The following PPP1R36 variants were observed in gnomAD, a reference collection of about 807,000 sequenced individuals.
PPP1R36 encodes chromosome 14 open reading frame 50.
Under a neutral mutation model 53.4 loss-of-function variants are expected in PPP1R36, and 47 were observed. The ratio of observed to expected loss-of-function variants is 0.88; its 90% confidence interval spans 0.70 to 1.12. The LOEUF (loss-of-function observed/expected upper bound fraction) is 1.12, where lower values mean the gene tolerates loss of function less well. Ranked by LOEUF, PPP1R36 falls within the 50% of genes most tolerant of loss-of-function variation. The pLI, the probability that PPP1R36 is intolerant of heterozygous loss-of-function variation, is 0.00. For synonymous variants in PPP1R36, 153 were observed against 170.5 expected (o/e 0.90, Z 0.80); for missense variants, 456 against 513.9 (o/e 0.89, Z 1.09).
intron 3 of PPP1R36, among the ~76,000 whole-genome samples, chr14:64,560,103 C>CAAAAAAAAAAAA (rs1171697200): frequency 2.5e-4 from 7 of 27,476 alleles, no homozygotes; most frequent in Non-Finnish European, 3.6e-4. Flanking sequence ...GAATCTGTCA[C>CAAAAAAAAAAAA]AAAAAAAAAA....
At chr14:64,573,143 T>C (rs1388386449) in intron 7 of PPP1R36, among the ~76,000 whole-genome samples, 2 of 152,232 alleles carry the variant, frequency 1.3e-5, no homozygotes, top group African/African-American at 4.8e-5. Flanking sequence ...TACAACTCAC[T>C]TTTCAATAAC....
At position 64,568,336 on chromosome 14, in the gene PPP1R36, A is replaced by G. The variant is rs1596735241; in HGVS notation, c.435-13A>G. The G allele has an allele frequency of 8.1e-7, 1 of 1,237,754 alleles. No individual in the cohort carries two copies. The highest frequency in any genetic ancestry group is 1.4e-5 in the South Asian group (1 of 71,764). 76.7% of individuals were successfully genotyped at this position (1,237,754 alleles called of 1,614,324 possible). On this transcript the variant is annotated splice_polypyrimidine_tract_variant and intron_variant, in intron 6 of 11. Transcript: ENST00000298705. ...CATTGACTCTTTTTTTGTTGTTTCA[A>G]ATCTCCCCATAGGAATAAGAATCTT...
chr14:64,588,154 C>T lies in PPP1R36; in HGVS notation c.941C>T (p.Ser314Phe), dbSNP rs1054130144. ...ATTAAAAAAGCTATCAACATGCGTT[C>T]TCCAGTCATGTCTACTCTGCTGCCA... ...PAIKKAINMR[S>F]PVMSTLLPSL... The change falls in exon 11 of 12, where the codon TCT becomes TTT. Residue 314 changes from serine to phenylalanine, a missense_variant. Ser to Phe is a radical substitution (Grantham distance 155, BLOSUM62 -2). Transcript: ENST00000298705. The T allele has an allele frequency of 2.5e-6, 4 of 1,612,734 alleles. No homozygotes were observed. Among genetic ancestry groups the T allele is most frequent in the African/African-American group, 1.3e-5 (1 of 74,876 alleles).
Position 64,574,564 on chromosome 14 carries a change from G to A in PPP1R36, c.643G>A (p.Asp215Asn), listed in dbSNP as rs1566655640. The A allele has an allele frequency of 6.2e-7, 1 of 1,613,786 alleles. No individual in the cohort carries two copies. Among genetic ancestry groups the A allele is most frequent in the Non-Finnish European group, 8.5e-7 (1 of 1,179,876 alleles). Residue 215 changes from aspartate (D) to asparagine (N), a missense_variant, in exon 8 of 12, where the codon GAT (aspartate) becomes AAT (asparagine). Physicochemically the swap from Asp to Asn is conservative, Grantham distance 23 (BLOSUM62 1). Coordinates refer to ENST00000298705, the MANE Select transcript of PPP1R36 (RefSeq NM_172365.3). ...CILVLGLAVP[D>N]KHHMCCGKEK... ...CCTTGTGCTGGGCTTGGCCGTGCCG[G>A]ATAAGCATCACATGTGCTGTGGAAA...
At chr14:64,561,645 G>C (rs140977865) in intron 3 of PPP1R36, 2 of 373,520 alleles carry the variant, frequency 5.4e-6, no homozygotes, top group East Asian at 1.5e-4. Context: ...TGAGGGTGCT[G>C]GTATAGTTCA....
chr14:64,588,154 C>A lies in PPP1R36; in HGVS notation c.941C>A (p.Ser314Tyr). Residue 314 changes from serine to tyrosine, a missense_variant, in exon 11 of 12, where the codon TCT (serine) becomes TAT (tyrosine). Physicochemically the swap from Ser to Tyr is moderately radical, Grantham distance 144. Transcript: ENST00000298705. ...PAIKKAINMR[S>Y]PVMSTLLPSL... ...ATTAAAAAAGCTATCAACATGCGTT[C>A]TCCAGTCATGTCTACTCTGCTGCCA... 6.2e-7 allele frequency: 1 copy of A among 1,612,850 alleles called. No homozygotes were observed. The highest frequency in any genetic ancestry group is 8.5e-7 in the Non-Finnish European group (1 of 1,179,318).
intron 2 of PPP1R36, among the ~76,000 whole-genome samples, chr14:64,551,453 T>G (rs2080093173): frequency 1.3e-5 from 2 of 152,306 alleles, no homozygotes; most frequent in East Asian, 3.9e-4. Flanking sequence ...AAGGTAAAAT[T>G]ACTAAATTAG....
Position 64,553,885 on chromosome 14 carries a change from G to A in PPP1R36, c.182+1024G>A, listed in dbSNP as rs190771708. On this transcript the variant is annotated intron_variant, in intron 3 of 11. Coordinates refer to ENST00000298705, the MANE Select transcript of PPP1R36 (RefSeq NM_172365.3). ...GACTACGTGGAGTACACAAACTGGG[G>A]GGCCGTTAAGGGAGTTGGAAAAGGA... 1.3e-4 allele frequency among the ~76,000 whole-genome samples: 20 copies of A among 151,714 alleles called. No homozygotes were observed. The East Asian group carries it at 3.5e-3, about 26-fold the overall frequency.
intron 3 of PPP1R36, among the ~76,000 whole-genome samples, chr14:64,556,901 A>G (rs2080159433): frequency 1.3e-5 from 2 of 151,336 alleles, no homozygotes; most frequent in South Asian, 4.2e-4. Context: ...TGCAGCCTTG[A>G]CCTCCTGGGC....
chr14:64,555,739 A>T (rs932943934), intron 3 of PPP1R36, among the ~76,000 whole-genome samples: 16 of 152,110 alleles, frequency 1.1e-4, no homozygotes, highest in African/African-American at 3.9e-4. Context: ...TTAAAAAAAA[A>T]TTGCAAAATA....
At chr14:64,579,505 G>A (rs2080369368) in intron 8 of PPP1R36, among the ~76,000 whole-genome samples, 1 of 152,164 alleles carries the variant, frequency 6.6e-6, no homozygotes, top group Non-Finnish European at 1.5e-5. Flanking sequence ...TGTTTAGAAA[G>A]AAGTAGTGTT....
chr14:64,582,193 C>T (rs936290098), intron 8 of PPP1R36, among the ~76,000 whole-genome samples: 1 of 152,180 alleles, frequency 6.6e-6, no homozygotes, highest in African/African-American at 2.4e-5. Flanking sequence ...TAAAATACAT[C>T]CCTTTGACAC....
chr14:64,583,650 A>ACTAAAAATACAAAATT (rs1392349489), intron 8 of PPP1R36, among the ~76,000 whole-genome samples: 3 of 151,948 alleles, frequency 2.0e-5, no homozygotes, highest in African/African-American at 7.2e-5. Context: ...CCCCATCTCT[A>ACTAAAAATACAAAATT]CTAAAAATAC....
chr14:64,585,718 C>T (rs1470443968), intron 8 of PPP1R36, among the ~76,000 whole-genome samples: 4 of 152,070 alleles, frequency 2.6e-5, no homozygotes, highest in Non-Finnish European at 5.9e-5. Flanking sequence ...CTACTGCACT[C>T]CAGCTCTGTC....
intron 6 of PPP1R36, among the ~76,000 whole-genome samples, chr14:64,568,014 A>G (rs2080274159): frequency 6.6e-6 from 1 of 152,228 alleles, no homozygotes; most frequent in Non-Finnish European, 1.5e-5. Context: ...AGGTAGGAGG[A>G]GAGAATTTTT....
intron 9 of PPP1R36, 63 bp downstream of exon 9, chr14:64,586,942 A>G: frequency 1.5e-6 from 2 of 1,309,872 alleles, no homozygotes; most frequent in Non-Finnish European, 2.2e-6. Context: ...ACCAATGGCC[A>G]TTTGTCAGGC....
intron 2 of PPP1R36, chr14:64,551,804 T>C: frequency 2.7e-6 from 1 of 368,730 alleles, no homozygotes; most frequent in Non-Finnish European, 5.4e-6. Flanking sequence ...AACTATCTTA[T>C]TCATCCTCAG....
intron 8 of PPP1R36, among the ~76,000 whole-genome samples, chr14:64,584,087 A>T (rs906710144): frequency 1.3e-5 from 2 of 151,816 alleles, no homozygotes; most frequent in African/African-American, 4.8e-5. Context: ...TTTTTAGTAG[A>T]GATGGTGTTT....
At chr14:64,563,910 T>C (rs554337939) in intron 3 of PPP1R36, among the ~76,000 whole-genome samples, 8 of 152,372 alleles carry the variant, frequency 5.3e-5, no homozygotes, top group African/African-American at 1.9e-4. Flanking sequence ...CCTGTTAGTC[T>C]TCAAAACACT....
Sources: allele counts gnomAD v4.1 joint callset (sites outside exome capture counted in the v4.1 genomes callset), GRCh38; gene constraint gnomAD v4.1.1; transcripts MANE v1.5; gene names NCBI Gene and HGNC (gene_info 2026-07-23, HGNC 2026-07-21).